Variants in FOXP2 observed in about 807,000 individuals in gnomAD.
The protein encoded by FOXP2 is forkhead box protein P2.
FOXP2 carries 12 observed loss-of-function variants against 115.8 expected under a neutral mutation model. The observed-to-expected ratio is 0.10, with a 90% CI of 0.07 to 0.17. FOXP2 has a LOEUF of 0.17. Ranked by LOEUF, FOXP2 falls within the 10% of genes least tolerant of loss-of-function variation. FOXP2 has a pLI of 1.00. For synonymous variants in FOXP2, 328 were observed against 297.7 expected, an observed-to-expected ratio of 1.10 and a Z score of -1.05; for missense variants, 629 against 843.5, an observed-to-expected ratio of 0.75 and a Z score of 3.15.
chr7:114,253,675 C>G (rs1437560584), intron 1 of FOXP2, among the ~76,000 whole-genome samples: 2 of 152,078 alleles, frequency 1.3e-5, no homozygotes, highest in African/African-American at 4.8e-5. Flanking sequence ...TTATTTTGAG[C>G]CTATGTGTGT....
intron 1 of FOXP2, among the ~76,000 whole-genome samples, chr7:114,177,881 G>A (rs958459233): frequency 2.0e-5 from 3 of 151,840 alleles, no homozygotes; most frequent in Non-Finnish European, 4.4e-5. Context: ...CAGACATAAT[G>A]TACAATAGAT....
intron 2 of FOXP2, among the ~76,000 whole-genome samples, chr7:114,403,252 A>G (rs1245563909): frequency 1.3e-5 from 2 of 152,250 alleles, no homozygotes; most frequent in African/African-American, 4.8e-5. Flanking sequence ...TTTTATTGCC[A>G]GATGAGTTCA....
At chr7:114,320,851 C>G (rs1234143901) in intron 2 of FOXP2, among the ~76,000 whole-genome samples, 1 of 152,170 alleles carries the variant, frequency 6.6e-6, no homozygotes, top group African/African-American at 2.4e-5. Flanking sequence ...CTACCAAAGA[C>G]AGAAGACCTG....
At chr7:114,444,450 T>G (rs1794741815) in intron 2 of FOXP2, among the ~76,000 whole-genome samples, 1 of 152,190 alleles carries the variant, frequency 6.6e-6, no homozygotes, top group Admixed American at 6.6e-5. Flanking sequence ...TTTATAGCAC[T>G]TGGTTGTAAA....
intron 2 of FOXP2, among the ~76,000 whole-genome samples, chr7:114,320,182 C>G (rs1042945995): frequency 1.3e-5 from 2 of 152,204 alleles, no homozygotes; most frequent in Admixed American, 1.3e-4. Context: ...TGGCTGTATA[C>G]TGCTTGCACT....
chr7:114,589,352 TA>T (rs200208001), intron 3 of FOXP2, among the ~76,000 whole-genome samples: 3 of 151,140 alleles, frequency 2.0e-5, no homozygotes, highest in Non-Finnish European at 3.0e-5. Context: ...TAGATTTCTT[TA>T]AAAAAAAAGC....
intron 1 of FOXP2, among the ~76,000 whole-genome samples, chr7:114,155,488 T>G (rs1287330495): frequency 6.6e-6 from 1 of 152,152 alleles, no homozygotes; most frequent in Non-Finnish European, 1.5e-5. Context: ...TATTTTGAAA[T>G]GGCCCTGGAA....
intron 2 of FOXP2, among the ~76,000 whole-genome samples, chr7:114,379,020 G>A (rs911420004): frequency 1.3e-5 from 2 of 151,936 alleles, no homozygotes; most frequent in Non-Finnish European, 2.9e-5. Context: ...AATATAGGAG[G>A]TAAAATGACT....
At chr7:114,322,292 G>A (rs1409551212) in intron 2 of FOXP2, among the ~76,000 whole-genome samples, 3 of 151,300 alleles carry the variant, frequency 2.0e-5, no homozygotes, top group Admixed American at 6.6e-5. Context: ...CCAAGTGCTG[G>A]GATTACAGGC....
chr7:114,470,230 G>T (rs1795986618), intron 2 of FOXP2, among the ~76,000 whole-genome samples: 1 of 152,048 alleles, frequency 6.6e-6, no homozygotes, highest in Non-Finnish European at 1.5e-5. Flanking sequence ...TTGCCTTACA[G>T]TCTCTTTGTT....
intron 2 of FOXP2, among the ~76,000 whole-genome samples, chr7:114,520,564 T>G (rs950545921): frequency 6.6e-6 from 1 of 152,034 alleles, no homozygotes; most frequent in African/African-American, 2.4e-5. Context: ...AGTTAGAAAA[T>G]AAATATTAGT....
chr7:114,278,729 T>G (rs1796254624), intron 1 of FOXP2, among the ~76,000 whole-genome samples: 1 of 152,218 alleles, frequency 6.6e-6, no homozygotes, highest in African/African-American at 2.4e-5. Context: ...GAAGACTCAG[T>G]ATTGTAAAAT....
At chr7:114,229,685 T>A (rs1477384118) in intron 1 of FOXP2, among the ~76,000 whole-genome samples, 2 of 150,722 alleles carry the variant, frequency 1.3e-5, no homozygotes, top group African/African-American at 4.9e-5. Flanking sequence ...GAGAAAAATC[T>A]CTTGAGATTA....
At chr7:114,400,620 G>T (rs1792863732) in intron 2 of FOXP2, among the ~76,000 whole-genome samples, 2 of 152,136 alleles carry the variant, frequency 1.3e-5, no homozygotes, top group African/African-American at 4.8e-5. Context: ...TGGGGTCGGG[G>T]GGAATGGCTT....
At chr7:114,115,675 A>G (rs1791385925) in intron 1 of FOXP2, among the ~76,000 whole-genome samples, 2 of 151,988 alleles carry the variant, frequency 1.3e-5, no homozygotes, top group Non-Finnish European at 2.9e-5. Flanking sequence ...TTTTAACCTA[A>G]CTAGATCTAT....
In FOXP2 at chr7:114,149,914, C is replaced by T. The variant is rs543037943; in HGVS notation, c.-246-13030C>T. On this transcript the variant is annotated intron_variant, in intron 1 of 19. Coordinates refer to the FOXP2 transcript ENST00000635638. The stretch of plus-strand genomic sequence containing the variant: ...AGCCAGGAAATTTGGTTTGAGGACT[C>T]TTGACGTATATGGTAAAAATTACAT... Among the ~76,000 whole-genome samples, 313 of 152,038 alleles carry T rather than the reference C, an allele frequency of 2.1e-3. 1 individual carries two copies. The highest frequency in any genetic ancestry group is 3.4e-3 in the Non-Finnish European group (230 of 67,910).
intron 1 of FOXP2, among the ~76,000 whole-genome samples, chr7:114,195,107 T>G (rs1793869898): frequency 6.6e-6 from 1 of 152,154 alleles, no homozygotes; most frequent in South Asian, 2.1e-4. Context: ...AAGAAATAAC[T>G]GTGAGGTGGA....
chr7:114,379,710 G>T (rs1410066834), intron 2 of FOXP2, among the ~76,000 whole-genome samples: 1 of 152,166 alleles, frequency 6.6e-6, no homozygotes, highest in African/African-American at 2.4e-5. Context: ...TACAGGGATT[G>T]AAATGTATGG....
chr7:114,153,075 A>G (rs1792568732), intron 1 of FOXP2, among the ~76,000 whole-genome samples: 1 of 152,186 alleles, frequency 6.6e-6, no homozygotes, highest in South Asian at 2.1e-4. Flanking sequence ...AAATTGTCAA[A>G]TAGTAATGTA....
Sources: allele counts gnomAD v4.1 joint callset (sites outside exome capture counted in the v4.1 genomes callset), GRCh38; gene constraint gnomAD v4.1.1; transcripts MANE v1.5; gene names NCBI Gene and HGNC (gene_info 2026-07-23, HGNC 2026-07-21).